NFIA: variants seen among roughly 807,000 people sequenced by gnomAD.
NFIA encodes nuclear factor 1 A-type.
A neutral mutation model predicts 62.8 loss-of-function variants in NFIA; 8 were observed. The ratio of observed to expected loss-of-function variants is 0.13; its 90% confidence interval spans 0.07 to 0.23. The LOEUF is 0.23. Among genes scored for constraint, NFIA ranks in the 10% least tolerant of loss-of-function variants. The pLI is 1.00. For synonymous variants in NFIA, 235 were observed against 238.1 expected (o/e 0.99, Z 0.12); for missense variants, 410 against 642.1 (o/e 0.64, Z 3.91).
chr1:61,161,631 T>C (rs577409374), intron 2 of NFIA, among the ~76,000 whole-genome samples: 8 of 151,812 alleles, frequency 5.3e-5, no homozygotes, highest in Admixed American at 6.6e-5. Flanking sequence ...GCAGACAGTC[T>C]CTGACTTTCA....
At chr1:61,089,703 T>C (rs1436098231) in intron 2 of NFIA, among the ~76,000 whole-genome samples, 5 of 150,528 alleles carry the variant, frequency 3.3e-5, no homozygotes, top group Middle Eastern at 6.9e-3. Context: ...TTCTTTTTTT[T>C]TTTTTTTTTT....
At chr1:61,086,694 G>T (rs929954908) in intron 1 of NFIA, among the ~76,000 whole-genome samples, 11 of 152,106 alleles carry the variant, frequency 7.2e-5, no homozygotes, top group African/African-American at 2.6e-4. Flanking sequence ...TTAAATGATT[G>T]ATTATAATTT....
At chr1:61,220,104 A>T (rs2100616194) in intron 2 of NFIA, among the ~76,000 whole-genome samples, 1 of 152,298 alleles carries the variant, frequency 6.6e-6, no homozygotes, top group South Asian at 2.1e-4. Flanking sequence ...CTTTCTGTTG[A>T]TGAGAAAGGA....
At chr1:61,370,479 T>C (rs967321016) in intron 6 of NFIA, among the ~76,000 whole-genome samples, 4 of 152,196 alleles carry the variant, frequency 2.6e-5, no homozygotes, top group African/African-American at 9.6e-5. Flanking sequence ...CTTTGAAGCA[T>C]CTGTTAAACT....
At position 61,128,915 on chromosome 1, in the gene NFIA, G is replaced by GTTTTTTTTTTTTTTT. The variant is rs10635152; in HGVS notation, c.559+40246_559+40260dup. 1.8e-4 allele frequency among the ~76,000 whole-genome samples: 13 copies of GTTTTTTTTTTTTTTT among 74,138 alleles called. 1 individual carries two copies. Among genetic ancestry groups the GTTTTTTTTTTTTTTT allele is most frequent in the East Asian group, 5.0e-4 (1 of 1,994 alleles). 48.6% of individuals were successfully genotyped at this position (74,138 alleles called of 152,430 possible). ...CCAGCCAATGGTGATGCTTACTTATGTTTTTTTTTTTTTTTTTTTTTTTTT... is the reference window on the plus strand; with the variant it reads ...CCAGCCAATGGTGATGCTTACTTATGTTTTTTTTTTTTTTTTTTTTTTTTTTTTTTTTTTTTTTTT... On this transcript the variant is annotated intron_variant, in intron 2 of 10. Coordinates refer to ENST00000403491, the MANE Select transcript of NFIA (RefSeq NM_001134673.4).
intron 3 of NFIA, among the ~76,000 whole-genome samples, chr1:61,283,163 G>C (rs141442391): frequency 1.1e-4 from 17 of 152,286 alleles, no homozygotes; most frequent in African/African-American, 3.6e-4. Flanking sequence ...AGGTGAACAA[G>C]GAATGTACTT....
intron 3 of NFIA, among the ~76,000 whole-genome samples, chr1:61,301,745 A>G (rs1412191235): frequency 6.6e-6 from 1 of 152,214 alleles, no homozygotes; most frequent in Admixed American, 6.5e-5. Flanking sequence ...GAGTATGAAC[A>G]TGCTGATTTA....
At chr1:61,402,539 A>G (rs1453082043) in intron 7 of NFIA, among the ~76,000 whole-genome samples, 1 of 152,176 alleles carries the variant, frequency 6.6e-6, no homozygotes, top group African/African-American at 2.4e-5. Flanking sequence ...TTGAAAAGGT[A>G]TTTACGAAGA....
chr1:61,151,007 A>C (rs1300653207), intron 2 of NFIA, among the ~76,000 whole-genome samples: 1 of 152,156 alleles, frequency 6.6e-6, no homozygotes, highest in Non-Finnish European at 1.5e-5. Context: ...GATGCAGTGC[A>C]AGACCAGTTG....
intron 2 of NFIA, among the ~76,000 whole-genome samples, chr1:61,215,721 C>G (rs897106537): frequency 6.6e-6 from 1 of 152,114 alleles, no homozygotes; most frequent in Non-Finnish European, 1.5e-5. Flanking sequence ...TTTATATTTC[C>G]TGTGGAAATC....
chr1:61,392,513 C>T (rs372955892), intron 7 of NFIA, among the ~76,000 whole-genome samples: 55 of 152,108 alleles, frequency 3.6e-4, no homozygotes, highest in South Asian at 4.2e-4. Flanking sequence ...TGTAAGGCCA[C>T]CCACCGAGCC....
intron 3 of NFIA, among the ~76,000 whole-genome samples, chr1:61,281,305 A>G (rs191282313): frequency 1.3e-5 from 2 of 152,262 alleles, no homozygotes; most frequent in Admixed American, 1.3e-4. Context: ...GTAAACTGAG[A>G]ATATGCATAC....
At chr1:61,396,997 G>A (rs1665311909) in intron 7 of NFIA, among the ~76,000 whole-genome samples, 1 of 135,262 alleles carries the variant, frequency 7.4e-6, no homozygotes, top group Non-Finnish European at 1.6e-5. Context: ...GTGAGACTCT[G>A]TCTCCAAAAA....
chr1:61,316,708 C>G (rs1570568107), intron 3 of NFIA, among the ~76,000 whole-genome samples: 1 of 152,172 alleles, frequency 6.6e-6, no homozygotes, highest in Non-Finnish European at 1.5e-5. Flanking sequence ...AGGTTATGTT[C>G]CCTAAAATCA....
intron 2 of NFIA, among the ~76,000 whole-genome samples, chr1:61,266,522 C>T (rs1657179289): frequency 6.6e-6 from 1 of 152,104 alleles, no homozygotes; most frequent in South Asian, 2.1e-4. Context: ...CTCAGCCTCC[C>T]AAGTAGCTGG....
chr1:61,267,965 C>G (rs761471292), intron 2 of NFIA, among the ~76,000 whole-genome samples: 1 of 152,094 alleles, frequency 6.6e-6, no homozygotes, highest in Admixed American at 6.6e-5. Flanking sequence ...ACAACTAAAT[C>G]AAAAAACCTG....
intron 7 of NFIA, among the ~76,000 whole-genome samples, chr1:61,390,402 C>G (rs977725417): frequency 1.1e-4 from 16 of 152,024 alleles, no homozygotes; most frequent in Admixed American, 4.6e-4. Context: ...CTAAGATACA[C>G]TAAAGCAATC....
intron 10 of NFIA, among the ~76,000 whole-genome samples, chr1:61,449,301 G>T (rs1569909990): frequency 6.6e-6 from 1 of 152,120 alleles, no homozygotes; most frequent in South Asian, 2.1e-4. Flanking sequence ...CCCTCATTGG[G>T]GTGACTGACA....
intron 2 of NFIA, among the ~76,000 whole-genome samples, chr1:61,262,093 G>A (rs190991004): frequency 1.3e-5 from 2 of 152,222 alleles, no homozygotes; most frequent in East Asian, 3.9e-4. Context: ...AAGAGTCTTG[G>A]GACTTTTAAT....
Sources: gnomAD v4.1 joint callset for allele counts (sites outside exome capture counted in the v4.1 genomes callset) on GRCh38, gnomAD v4.1.1 for gene constraint, MANE v1.5 for transcripts, NCBI Gene and HGNC (gene_info 2026-07-23, HGNC 2026-07-21) for gene names.